CPLANE1: variants seen among roughly 807,000 people sequenced by gnomAD.
The protein encoded by CPLANE1 is ciliogenesis and planar polarity effector 1.
CPLANE1 carries 263 observed loss-of-function variants against 362.5 expected under a neutral mutation model. The observed-to-expected ratio is 0.73, with a 90% CI of 0.66 to 0.80. CPLANE1 has a LOEUF of 0.80. CPLANE1 is among the 30% of genes least tolerant of loss of function. The pLI is 0.00. For synonymous variants in CPLANE1, 1,212 were observed against 1,302.6 expected (o/e 0.93, Z 1.50); for missense variants, 3,461 against 3,793.4 (o/e 0.91, Z 2.30).
chr5:37,143,284 ACAAC>A (rs1375919084), intron 43 of CPLANE1, among the ~76,000 whole-genome samples: 1 of 152,252 alleles, frequency 6.6e-6, no homozygotes, highest in Non-Finnish European at 1.5e-5. Flanking sequence ...ACACAAAGGA[ACAAC>A]CAACCATGAA....
chr5:37,180,756 C>T (rs1472225845), intron 27 of CPLANE1, 101 bp downstream of exon 27: 11 of 1,114,220 alleles, frequency 9.9e-6, no homozygotes, highest in African/African-American at 1.6e-5. Context: ...TCAAAAAATG[C>T]TCATTCCTTT....
At position 37,207,101 on chromosome 5, in the gene CPLANE1, C is replaced by T. The variant is rs1790980542; in HGVS notation, c.2921-676G>A. 2.0e-5 allele frequency among the ~76,000 whole-genome samples: 3 copies of T among 152,186 alleles called. No homozygotes were observed. The South Asian group carries it at 6.2e-4, about 32-fold the overall frequency. On this transcript the variant is annotated intron_variant, in intron 16 of 52. Transcript: ENST00000651892. The stretch of plus-strand genomic sequence containing the variant: ...AATACAAAAGGATAATATCGTTCCC[C>T]CTGGCCTTCTGTCCCTTTCCCTAAT...
intron 21 of CPLANE1, among the ~76,000 whole-genome samples, chr5:37,194,483 G>C (rs1310794159): frequency 1.3e-5 from 2 of 151,964 alleles, no homozygotes; most frequent in Non-Finnish European, 2.9e-5. Context: ...TACTTTTCCA[G>C]ATGACACCTG....
At chr5:37,084,597 T>C in the CPLANE1 span, among the ~76,000 whole-genome samples, 3 of 151,762 alleles carry the variant, frequency 2.0e-5, no homozygotes, top group African/African-American at 2.4e-5. Flanking sequence ...CTGACCAACA[T>C]AATGAAACCC....
intron 46 of CPLANE1, 171 bp downstream of exon 46, chr5:37,138,542 CTATATAT>C: frequency 1.3e-6 from 1 of 741,488 alleles, no homozygotes; most frequent in South Asian, 1.4e-5. Flanking sequence ...CAGTTATATA[CTATATAT>C]TGTTAGAGAA....
rs772920155 is a variant in CPLANE1 at position 37,170,031 on chromosome 5, C to T, written c.6462+10G>A. On this transcript the variant is annotated intron_variant, in intron 33 of 52. Coordinates refer to ENST00000651892, the MANE Select transcript of CPLANE1 (RefSeq NM_001384732.1). ...CGCCCAGCCATTAATGGTATTTTTA[C>T]ATACATTACCTGTACGTTTCCAGTA... 6 of 1,608,358 alleles carry T rather than the reference C, an allele frequency of 3.7e-6. No homozygotes were observed. The highest frequency in any genetic ancestry group is 2.2e-5 in the South Asian group (2 of 90,590).
chr5:37,226,636 G>A lies in CPLANE1; in HGVS notation c.1959C>T (p.Tyr653=). The change falls in exon 12 of 53, where the codon TAC becomes TAT. Residue 653 remains tyrosine, a synonymous_variant. Coordinates refer to ENST00000651892, the MANE Select transcript of CPLANE1 (RefSeq NM_001384732.1). ...CLSIHYWDIR[Y]KQDVGHLIKL... ...TTATCAAATGCCCCACATCTTGTTT[G>A]TATCTTATATCCCAATAATGGATTG... 1 of 1,551,382 alleles carries A rather than the reference G, an allele frequency of 6.4e-7. No homozygotes were observed. Among genetic ancestry groups the A allele is most frequent in the Non-Finnish European group, 8.7e-7 (1 of 1,146,842 alleles).
chr5:37,163,277 T>C (rs570396420), intron 37 of CPLANE1, among the ~76,000 whole-genome samples: 4 of 152,244 alleles, frequency 2.6e-5, no homozygotes, highest in Non-Finnish European at 4.4e-5. Context: ...TAGGTAAGAA[T>C]TGGTTACTGA....
chr5:37,103,946 T>C (rs771255707), downstream of CPLANE1, among the ~76,000 whole-genome samples: 2 of 152,162 alleles, frequency 1.3e-5, no homozygotes, highest in Admixed American at 6.5e-5. Context: ...TTGGATGATA[T>C]CCTGAAGAAT....
At chr5:37,239,506 C>A (rs1249272189) in intron 7 of CPLANE1, among the ~76,000 whole-genome samples, 4 of 149,688 alleles carry the variant, frequency 2.7e-5, no homozygotes, top group African/African-American at 9.9e-5. Flanking sequence ...TCACTTGAGC[C>A]CAGGAGGTCG....
At position 37,179,667 on chromosome 5, in the gene CPLANE1, C is replaced by T. The variant is rs142129609; in HGVS notation, c.5738-224G>A. On this transcript the variant is annotated intron_variant, in intron 28 of 52. Transcript: ENST00000651892. ...TTATTATTCAGTATGTTTAACTCCACGTAGTGCTCTGAGAGTTTCTGTCTT... is the reference window on the plus strand; with the variant it reads ...TTATTATTCAGTATGTTTAACTCCATGTAGTGCTCTGAGAGTTTCTGTCTT... Among the ~76,000 whole-genome samples the T allele has an allele frequency of 3.8e-3, 577 of 152,250 alleles. 4 individuals carry two copies. The highest frequency in any genetic ancestry group is 0.013 in the African/African-American group (548 of 41,524).
rs1210115834 is a variant in CPLANE1, at chr5:37,187,411, T to C, written c.4080+3A>G. On this transcript the variant is annotated splice_donor_region_variant and intron_variant, in intron 23 of 52. Transcript: ENST00000651892. Reference sequence around the variant, plus strand: ...AGTTTACTTTCACCTACAAGCACATTACCTTTCTGATTGGTGGCAGTTCTC... The same window carrying C: ...AGTTTACTTTCACCTACAAGCACATCACCTTTCTGATTGGTGGCAGTTCTC... 2 of 1,607,980 alleles carry C rather than the reference T, an allele frequency of 1.2e-6. No individual in the cohort carries two copies. Among genetic ancestry groups the C allele is most frequent in the South Asian group, 1.1e-5 (1 of 89,514 alleles).
chr5:37,142,633 A>G, intron 43 of CPLANE1, 153 bp from the exon 44 acceptor site: 1 of 463,454 alleles, frequency 2.2e-6, no homozygotes, highest in South Asian at 5.6e-5. Context: ...AATGAATTTA[A>G]TAAAAAATTT....
At chr5:37,140,321 T>C in intron 44 of CPLANE1, 1 of 976,780 alleles carries the variant, frequency 1.0e-6, no homozygotes, top group South Asian at 4.7e-5. Context: ...GGTTTTAATA[T>C]GAAATACCTG....
chr5:37,160,531 G>C (rs1776552982), intron 38 of CPLANE1, among the ~76,000 whole-genome samples: 1 of 149,252 alleles, frequency 6.7e-6, no homozygotes, highest in Non-Finnish European at 1.5e-5. Context: ...CTGCACTCCA[G>C]CCTCCAGCCT....
chr5:37,243,784 T>C (rs1738517120), intron 5 of CPLANE1, among the ~76,000 whole-genome samples: 1 of 147,086 alleles, frequency 6.8e-6, no homozygotes, highest in African/African-American at 2.5e-5. Context: ...GTTATATACA[T>C]ATATAATATA....
chr5:37,141,055 A>G (rs911492589), intron 44 of CPLANE1: 2 of 985,170 alleles, frequency 2.0e-6, no homozygotes, highest in Non-Finnish European at 2.4e-6. Flanking sequence ...TCTTTTACCC[A>G]CCTAGTCACT....
chr5:37,169,325 T>G lies in CPLANE1; in HGVS notation c.6699A>C (p.Lys2233Asn). ...GTAAGAAAAGGGGCTGGAATTCTTG[T>G]TTAGACTTAAATTGAAGCAAAGGAA... ...DGFPLLQFKS[K>N]QEFQPLFLHT... The change falls in exon 34 of 53, where the codon AAA becomes AAC. Residue 2233 changes from lysine to asparagine, a missense_variant. This residue lies in a region of CPLANE1 where 3,380 missense variants were observed against 3,666.1 expected (regional missense o/e 0.92). Coordinates refer to ENST00000651892, the MANE Select transcript of CPLANE1 (RefSeq NM_001384732.1). The G allele has an allele frequency of 1.2e-6, 2 of 1,614,180 alleles. No individual in the cohort carries two copies. The highest frequency in any genetic ancestry group is 1.7e-6 in the Non-Finnish European group (2 of 1,180,030).
At chr5:37,229,366 T>C (rs1303273598) in intron 9 of CPLANE1, among the ~76,000 whole-genome samples, 1 of 150,692 alleles carries the variant, frequency 6.6e-6, no homozygotes, top group African/African-American at 2.4e-5. Context: ...CTGGCCAACA[T>C]GGTGAAACCC....
Sources: allele counts gnomAD v4.1 joint callset (sites outside exome capture counted in the v4.1 genomes callset), GRCh38; gene constraint gnomAD v4.1.1; regional missense constraint gnomAD v4.1.1; transcripts MANE v1.5; gene names NCBI Gene and HGNC (gene_info 2026-07-23, HGNC 2026-07-21).